Variants in CACNG5 observed in about 807,000 individuals in gnomAD.
CACNG5 encodes the protein calcium voltage-gated channel auxiliary subunit gamma 5.
Under a neutral mutation model 24.8 loss-of-function variants are expected in CACNG5, and 18 were observed. That is an observed-to-expected ratio of 0.73 (90% CI 0.50 to 1.08). The LOEUF is 1.08. Among genes scored for constraint, CACNG5 ranks in the 50% least tolerant of loss-of-function variants. The probability of loss-of-function intolerance (pLI) is 0.00; values close to 1 mark genes in which losing one functional copy is unlikely to be tolerated. For synonymous variants in CACNG5, 157 were observed against 149.1 expected, an observed-to-expected ratio of 1.05 and a Z score of -0.39; for missense variants, 349 against 367.9, an observed-to-expected ratio of 0.95 and a Z score of 0.42.
chr17:66,884,978 T>C lies in CACNG5; in HGVS notation c.571-5T>C, dbSNP rs1568074294. 2 of 1,614,022 alleles carry C rather than the reference T, an allele frequency of 1.2e-6. No homozygotes were observed. On this transcript the variant is annotated splice_polypyrimidine_tract_variant and splice_region_variant and intron_variant, in intron 5 of 5. Transcript: ENST00000533854. ...AGCCCATCCTCTGCTGTCTTCTCCCTGTAGAGTGCCGGGGTGATGTCTGTG... is the reference window on the plus strand; with the variant it reads ...AGCCCATCCTCTGCTGTCTTCTCCCCGTAGAGTGCCGGGGTGATGTCTGTG...
chr17:66,880,836 G>T (rs141748550), intron 4 of CACNG5, 139 bp downstream of exon 4: 16,075 of 866,898 alleles, frequency 0.019, 214 homozygotes, highest in Middle Eastern at 0.04. Flanking sequence ...CCACCTCCCG[G>T]ATTCAAGCAA....
At chr17:66,867,854 C>T (rs147621451) in intron 1 of CACNG5, among the ~76,000 whole-genome samples, 272 of 152,228 alleles carry the variant, frequency 1.8e-3, no homozygotes, top group African/African-American at 5.6e-3. Flanking sequence ...ACCAGTGCCA[C>T]GCTGTTTTGA....
intron 1 of CACNG5, among the ~76,000 whole-genome samples, chr17:66,865,268 GTT>G (rs34773445): frequency 9.1e-5 from 13 of 142,298 alleles, no homozygotes; most frequent in East Asian, 6.0e-4. Context: ...CTATTTTTAT[GTT>G]TTTTTTTTTT....
chr17:66,846,780 C>G (rs1976642669), intron 1 of CACNG5, among the ~76,000 whole-genome samples: 2 of 152,146 alleles, frequency 1.3e-5, no homozygotes, highest in Admixed American at 1.3e-4. Context: ...TTGGGTATAT[C>G]CCTAGGAGTG....
At chr17:66,868,869 G>T (rs1470507864) in intron 1 of CACNG5, among the ~76,000 whole-genome samples, 1 of 152,118 alleles carries the variant, frequency 6.6e-6, no homozygotes, top group African/African-American at 2.4e-5. Flanking sequence ...TCTCCAATTT[G>T]TTGATATGGA....
intron 1 of CACNG5, among the ~76,000 whole-genome samples, chr17:66,851,916 T>C (rs1234865915): frequency 6.6e-6 from 1 of 152,208 alleles, no homozygotes; most frequent in Admixed American, 6.5e-5. Flanking sequence ...TTGATCCAAG[T>C]GGATTCAGGG....
At chr17:66,839,669 AG>A (rs34999002) in intron 1 of CACNG5, among the ~76,000 whole-genome samples, 91,194 of 141,990 alleles carry the variant, frequency 0.64, 29,070 homozygotes, top group East Asian at 0.92. Context: ...AGGAACATGG[AG>A]GGGGGTCAGT....
At chr17:66,874,553 C>A (rs1294236538) in intron 1 of CACNG5, among the ~76,000 whole-genome samples, 1 of 152,156 alleles carries the variant, frequency 6.6e-6, no homozygotes, top group Non-Finnish European at 1.5e-5. Context: ...CTAATTCATT[C>A]CTTCAAACTA....
intron 1 of CACNG5, among the ~76,000 whole-genome samples, chr17:66,861,431 C>T (rs1302954412): frequency 6.6e-6 from 1 of 152,338 alleles, no homozygotes; most frequent in South Asian, 2.1e-4. Flanking sequence ...ATAGTGCCTA[C>T]TGCAAAGCGT....
intron 1 of CACNG5, among the ~76,000 whole-genome samples, chr17:66,845,663 C>G (rs889089105): frequency 3.1e-4 from 47 of 152,082 alleles, no homozygotes; most frequent in African/African-American, 1.1e-3. Context: ...CCAGCTACCC[C>G]ACTAGACCAG....
chr17:66,864,294 G>C (rs1339446594), intron 1 of CACNG5, among the ~76,000 whole-genome samples: 1 of 152,158 alleles, frequency 6.6e-6, no homozygotes, highest in Non-Finnish European at 1.5e-5. Context: ...CTATTTACCA[G>C]ACCTGTCCTC....
At chr17:66,846,815 CTG>C (rs1976643230) in intron 1 of CACNG5, among the ~76,000 whole-genome samples, 1 of 152,222 alleles carries the variant, frequency 6.6e-6, no homozygotes, top group Non-Finnish European at 1.5e-5. Flanking sequence ...TCCGGTAACT[CTG>C]TGTGCAACAT....
At chr17:66,875,733 C>A (rs1464204899) in intron 1 of CACNG5, among the ~76,000 whole-genome samples, 1 of 152,232 alleles carries the variant, frequency 6.6e-6, no homozygotes, top group African/African-American at 2.4e-5. Context: ...CACTGCTGCA[C>A]CTCTTTCCCA....
chr17:66,894,593 T>G lies in CACNG5; in HGVS notation c.*9353T>G, dbSNP rs1287034924. 6.6e-6 allele frequency among the ~76,000 whole-genome samples: 1 copy of G among 152,130 alleles called. No homozygotes were observed. Among genetic ancestry groups the G allele is most frequent in the African/African-American group, 2.4e-5 (1 of 41,426 alleles). Reference sequence around the variant, plus strand: ...GGTTCACATAAGGCCTGGCTCTTGATTTTTTATTCATTCATTCATTTTTTT... The same window carrying G: ...GGTTCACATAAGGCCTGGCTCTTGAGTTTTTATTCATTCATTCATTTTTTT... On this transcript the variant is annotated 3_prime_UTR_variant, in exon 6 of 6. Transcript: ENST00000533854.
At chr17:66,848,618 G>A (rs764253302) in intron 1 of CACNG5, among the ~76,000 whole-genome samples, 5 of 152,178 alleles carry the variant, frequency 3.3e-5, no homozygotes, top group Admixed American at 6.5e-5. Flanking sequence ...TTTTGAAGGC[G>A]TTTGAGTCCG....
chr17:66,893,044 T>C lies in CACNG5; in HGVS notation c.*7804T>C, dbSNP rs1402457230. Among the ~76,000 whole-genome samples, 1 of 152,204 alleles carries C rather than the reference T, an allele frequency of 6.6e-6. No homozygotes were observed. Among genetic ancestry groups the C allele is most frequent in the Non-Finnish European group, 1.5e-5 (1 of 68,040 alleles). Reference sequence around the variant, plus strand: ...AGAGTCCTTGGCACATAATAGGTATTTTGCAAGCATTATCTCATGTAACCC... The same window carrying C: ...AGAGTCCTTGGCACATAATAGGTATCTTGCAAGCATTATCTCATGTAACCC... On this transcript the variant is annotated 3_prime_UTR_variant, in exon 6 of 6. Transcript: ENST00000533854.
Position 66,854,425 on chromosome 17 carries a change from CA to C in CACNG5, c.-104+19187del, listed in dbSNP as rs144721321. The stretch of plus-strand genomic sequence containing the variant: ...TGGGTGACAGAGCCAGACTCCAACT[CA>C]AAAAAAAAAAATAGTGAAAAGATTG... On this transcript the variant is annotated intron_variant, in intron 1 of 5. Transcript: ENST00000533854. Among the ~76,000 whole-genome samples, 229 of 123,998 alleles carry C rather than the reference CA, an allele frequency of 1.8e-3. 1 individual carries two copies. The highest frequency in any genetic ancestry group is 5.1e-3 in the Admixed American group (60 of 11,782). 81.3% of individuals were successfully genotyped at this position (123,998 alleles called of 152,430 possible).
chr17:66,848,498 A>G (rs1289196463), intron 1 of CACNG5, among the ~76,000 whole-genome samples: 4 of 152,148 alleles, frequency 2.6e-5, no homozygotes, highest in African/African-American at 9.7e-5. Context: ...TCCCTACCAC[A>G]TCCCTGAAAC....
rs1005814152 is a variant in CACNG5, at chr17:66,892,885, C to G, written c.*7645C>G. On this transcript the variant is annotated 3_prime_UTR_variant, in exon 6 of 6. Coordinates refer to ENST00000533854, the MANE Select transcript of CACNG5 (RefSeq NM_145811.3). ...TCTGTTTACAGGCTTGGGATTCACC[C>G]AAGAATGGATTCACCATCTTCAACC... Among the ~76,000 whole-genome samples the G allele has an allele frequency of 4.6e-5, 7 of 152,170 alleles. No homozygotes were observed. Among genetic ancestry groups the G allele is most frequent in the Non-Finnish European group, 8.8e-5 (6 of 68,032 alleles).
Sources: allele counts gnomAD v4.1 joint callset (sites outside exome capture counted in the v4.1 genomes callset), GRCh38; gene constraint gnomAD v4.1.1; transcripts MANE v1.5; gene names NCBI Gene and HGNC (gene_info 2026-07-23, HGNC 2026-07-21).